The following HDAC5 variants were observed in gnomAD, a reference collection of about 807,000 sequenced individuals.
HDAC5 encodes antigen NY-CO-9.
A neutral mutation model predicts 133.3 loss-of-function variants in HDAC5; 25 were observed. The observed-to-expected ratio is 0.19, with a 90% CI of 0.14 to 0.26. The LOEUF (loss-of-function observed/expected upper bound fraction) is 0.26, where lower values mean the gene tolerates loss of function less well. Ranked by LOEUF, HDAC5 falls within the 10% of genes least tolerant of loss-of-function variation. The pLI, the probability that HDAC5 is intolerant of heterozygous loss-of-function variation, is 1.00. For synonymous variants in HDAC5, 589 were observed against 610.8 expected (o/e 0.96, Z 0.53); for missense variants, 1,041 against 1,460.5 (o/e 0.71, Z 4.68).
Position 44,078,630 on chromosome 17 carries a change from C to A in HDAC5, c.3199G>T (p.Gly1067Cys), listed in dbSNP as rs1470013130. The A allele has an allele frequency of 1.2e-6, 2 of 1,606,288 alleles. No homozygotes were observed. Among genetic ancestry groups the A allele is most frequent in the Non-Finnish European group, 1.7e-6 (2 of 1,179,648 alleles). The change falls in exon 26 of 27, where the codon GGT becomes TGT. Residue 1067 changes from glycine (G) to cysteine (C), a missense_variant. By Grantham distance (159) the Gly-to-Cys change is radical (BLOSUM62 -3). Coordinates refer to ENST00000682912, the MANE Select transcript of HDAC5 (RefSeq NM_005474.5). ...HWSCVQKFAA[G>C]LGRSLREAQA... ...GCCTCTCGCAGGGACCGGCCCAGAC[C>A]AGCGGCGAACTTCTGCACACAGCTC...
At chr17:44,102,369 CT>C (rs1368208531) in intron 3 of HDAC5, among the ~76,000 whole-genome samples, 1 of 152,148 alleles carries the variant, frequency 6.6e-6, no homozygotes, top group Non-Finnish European at 1.5e-5. Flanking sequence ...TTCCCTTTTT[CT>C]TTTTTTCTGA....
At chr17:44,080,261 G>T in intron 22 of HDAC5, 36 bp from the exon 23 acceptor site, 1 of 1,584,162 alleles carries the variant, frequency 6.3e-7, no homozygotes, top group South Asian at 1.1e-5. Flanking sequence ...CCCGGCAGAT[G>T]ACCAGGCCAG....
At position 44,091,318 on chromosome 17, in the gene HDAC5, G is replaced by A; in HGVS notation, c.1339C>T (p.His447Tyr). ...SPHGHASLLQ[H>Y]VLLLEQARQQ... ...CGGGCCTGCTCCAGCAACAGCACATGCTGCAGCAGGGAGGCATGCCCGTGG... is the reference window on the plus strand; with the variant it reads ...CGGGCCTGCTCCAGCAACAGCACATACTGCAGCAGGGAGGCATGCCCGTGG... The change falls in exon 11 of 27, where the codon CAT becomes TAT. Residue 447 changes from histidine (H) to tyrosine (Y), a missense_variant. His to Tyr is a moderately conservative substitution (Grantham distance 83, BLOSUM62 2). Coordinates refer to ENST00000682912, the MANE Select transcript of HDAC5 (RefSeq NM_005474.5). 1.2e-6 allele frequency: 2 copies of A among 1,611,368 alleles called. No individual in the cohort carries two copies. The highest frequency in any genetic ancestry group is 1.1e-5 in the South Asian group (1 of 90,834).
chr17:44,123,154 C>A (rs114980774), intron 1 of HDAC5: 5 of 196,524 alleles, frequency 2.5e-5, no homozygotes, highest in African/African-American at 1.2e-4. Flanking sequence ...GGCTCTGCAA[C>A]GCAACATGCG....
chr17:44,079,463 A>G (rs2144192801), intron 23 of HDAC5, 186 bp from the exon 24 acceptor site: 3 of 528,108 alleles, frequency 5.7e-6, no homozygotes, highest in Non-Finnish European at 1.0e-5. Context: ...AACATGGTGA[A>G]ACCCCGTCTC....
chr17:44,121,855 C>T (rs2053027417), intron 1 of HDAC5, among the ~76,000 whole-genome samples: 1 of 152,088 alleles, frequency 6.6e-6, no homozygotes, highest in Admixed American at 6.6e-5. Flanking sequence ...CATCCTTGCC[C>T]CCAAGTAACC....
At chr17:44,102,897 ACCT>A (rs1166792550) in intron 3 of HDAC5, among the ~76,000 whole-genome samples, 2 of 147,744 alleles carry the variant, frequency 1.4e-5, no homozygotes, top group African/African-American at 5.1e-5. Flanking sequence ...CTATCCCCCG[ACCT>A]CAGCTGATCC....
intron 3 of HDAC5, among the ~76,000 whole-genome samples, chr17:44,095,889 G>A (rs985274826): frequency 6.6e-6 from 1 of 152,090 alleles, no homozygotes; most frequent in African/African-American, 2.4e-5. Context: ...TGCTGGGGAG[G>A]GGAAGGCAGT....
rs143887884 is a variant in HDAC5, at chr17:44,082,654, G to A, written c.2538C>T (p.Asn846=). ...GGAGTTTTGCGGTGATGGCTACAGA[G>A]TTGAAGAAGCAGAATCCCCTGAGGA... ...ESTAMGFCFF[N]SVAITAKLLQ... The change falls in exon 20 of 27, where the codon AAC becomes AAT. Residue 846 remains asparagine (N), a synonymous_variant. Transcript: ENST00000682912. 1.2e-6 allele frequency: 2 copies of A among 1,614,022 alleles called. No homozygotes were observed. The highest frequency in any genetic ancestry group is 1.3e-5 in the African/African-American group (1 of 74,926).
At chr17:44,095,663 T>A (rs886428485) in intron 3 of HDAC5, among the ~76,000 whole-genome samples, 1 of 150,810 alleles carries the variant, frequency 6.6e-6, no homozygotes, top group Non-Finnish European at 1.5e-5. Context: ...ACCCTGAAAA[T>A]GCCGCTATAT....
rs117511039 is a variant in HDAC5, at chr17:44,118,038, C to A, written c.-189-334G>T. On this transcript the variant is annotated intron_variant, in intron 1 of 26. Coordinates refer to ENST00000682912, the MANE Select transcript of HDAC5 (RefSeq NM_005474.5). ...TAGGTGTGCACCAAAGGAGAAAGTG[C>A]AGGGGGGCTTCTGATCTGTATCCAT... 4.6e-3 allele frequency among the ~76,000 whole-genome samples: 693 copies of A among 152,264 alleles called. 4 individuals carry two copies. The highest frequency in any genetic ancestry group is 8.4e-3 in the Non-Finnish European group (573 of 67,998).
At chr17:44,101,716 C>T (rs1488384995) in intron 3 of HDAC5, among the ~76,000 whole-genome samples, 5 of 152,172 alleles carry the variant, frequency 3.3e-5, no homozygotes, top group Non-Finnish European at 7.4e-5. Context: ...AGCTAAGTAG[C>T]AGCAAAACAG....
At chr17:44,081,015 C>T (rs556471689) in intron 20 of HDAC5, 133 bp from the exon 21 acceptor site, 10 of 1,216,744 alleles carry the variant, frequency 8.2e-6, no homozygotes, top group South Asian at 5.6e-5. Flanking sequence ...CTGGGAGGAT[C>T]GCTTGAGCCC....
At chr17:44,084,433 C>T (rs1300317111) in intron 16 of HDAC5, 122 bp downstream of exon 16, 10 of 1,189,498 alleles carry the variant, frequency 8.4e-6, no homozygotes, top group Non-Finnish European at 1.2e-5. Context: ...GCCACCTCTG[C>T]CGCAGCAATG....
chr17:44,096,942 G>C (rs1484049519), intron 3 of HDAC5, among the ~76,000 whole-genome samples: 2 of 144,746 alleles, frequency 1.4e-5, no homozygotes, highest in African/African-American at 5.1e-5. Context: ...GGCTGGTCTC[G>C]AACTCCTGAC....
At chr17:44,110,122 T>G (rs2052244805) in intron 3 of HDAC5, among the ~76,000 whole-genome samples, 1 of 152,198 alleles carries the variant, frequency 6.6e-6, no homozygotes, top group Non-Finnish European at 1.5e-5. Context: ...AGGAGCGCCA[T>G]CGGGAGACAG....
At chr17:44,091,979 C>A in intron 9 of HDAC5, 148 bp from the exon 10 acceptor site, 3 of 1,044,656 alleles carry the variant, frequency 2.9e-6, no homozygotes. Flanking sequence ...GCCATCAGGG[C>A]TCTTCATAGT....
intron 25 of HDAC5, 21 bp downstream of exon 25, chr17:44,078,774 C>T (rs2050239100): frequency 6.2e-7 from 1 of 1,613,374 alleles, no homozygotes; most frequent in Non-Finnish European, 8.5e-7. Context: ...AGCCTGAGCC[C>T]CTCTACGTGT....
intron 18 of HDAC5, among the ~76,000 whole-genome samples, 168 bp from the exon 19 acceptor site, chr17:44,082,988 G>A (rs1359982053): frequency 6.6e-6 from 1 of 151,908 alleles, no homozygotes; most frequent in Non-Finnish European, 1.5e-5. Context: ...TTTTTTATGG[G>A]TTTTTTTGGA....
Sources: gnomAD v4.1 joint callset for allele counts (sites outside exome capture counted in the v4.1 genomes callset) on GRCh38, gnomAD v4.1.1 for gene constraint, MANE v1.5 for transcripts, NCBI Gene and HGNC (gene_info 2026-07-23, HGNC 2026-07-21) for gene names.